CD8B: variants seen among roughly 807,000 people sequenced by gnomAD.
The protein encoded by CD8B is CD8 subunit beta.
In CD8B, 6 loss-of-function variants were observed where a neutral mutation model predicts 24.2. The observed-to-expected ratio is 0.25, with a 90% CI of 0.14 to 0.49. CD8B has a LOEUF of 0.49. Ranked by LOEUF, CD8B falls within the 20% of genes least tolerant of loss-of-function variation. CD8B has a pLI of 0.98. For missense variants in CD8B, 196 were observed against 271.3 expected, an observed-to-expected ratio of 0.72 and a Z score of 1.95; for synonymous variants, 84 against 108.3, an observed-to-expected ratio of 0.78 and a Z score of 1.39.
At chr2:86,822,592 A>G (rs560253502) in intron 5 of CD8B, among the ~76,000 whole-genome samples, 3 of 152,384 alleles carry the variant, frequency 2.0e-5, no homozygotes, top group Non-Finnish European at 2.9e-5. Flanking sequence ...GATTATAACT[A>G]TGTAAAATGT....
chr2:86,835,517 G>A (rs899329656), downstream of CD8B, among the ~76,000 whole-genome samples: 1 of 151,846 alleles, frequency 6.6e-6, no homozygotes, highest in African/African-American at 2.4e-5. Flanking sequence ...CTGAGGCTGA[G>A]GTAAGGGTGG....
At position 86,839,287 on chromosome 2, in the gene CD8B, G is replaced by T. The variant is rs1466503050; in HGVS notation, c.*3020C>A. The stretch of plus-strand genomic sequence containing the variant: ...TATTAGACTGTGTCTGAATTTATCT[G>T]ACCAGTCCCTTTTGATGGACATTTG... On this transcript the variant is annotated 3_prime_UTR_variant, in exon 6 of 6. Transcript: ENST00000390655. Among the ~76,000 whole-genome samples the T allele has an allele frequency of 6.6e-6, 1 of 152,156 alleles. No homozygotes were observed. Among genetic ancestry groups the T allele is most frequent in the Non-Finnish European group, 1.5e-5 (1 of 68,024 alleles).
intron 3 of CD8B, among the ~76,000 whole-genome samples, chr2:86,850,268 C>T (rs139073635): frequency 3.3e-5 from 5 of 152,124 alleles, no homozygotes; most frequent in East Asian, 1.9e-4. Flanking sequence ...CTCATCTTAC[C>T]GGGGCCTCAG....
chr2:86,861,627 C>T (rs189007245), intron 1 of CD8B, among the ~76,000 whole-genome samples, 196 bp downstream of exon 1: 1 of 152,186 alleles, frequency 6.6e-6, no homozygotes, highest in African/African-American at 2.4e-5. Context: ...CTCCGGTCCC[C>T]CGGGGTAATG....
At chr2:86,843,541 G>A (rs1056823962) in intron 5 of CD8B, 1 of 981,404 alleles carries the variant, frequency 1.0e-6, no homozygotes, top group Admixed American at 6.2e-5. Context: ...ATAAAATCCA[G>A]CAGGCATGTT....
chr2:86,838,942 G>A lies in CD8B; in HGVS notation c.*3365C>T, dbSNP rs1385559020. 6.6e-6 allele frequency among the ~76,000 whole-genome samples: 1 copy of A among 152,188 alleles called. No individual in the cohort carries two copies. The highest frequency in any genetic ancestry group is 2.4e-5 in the African/African-American group (1 of 41,434). On this transcript the variant is annotated 3_prime_UTR_variant, in exon 6 of 6. Transcript: ENST00000390655. ...GTCAACATATCTGAGTGTACAGCTTGATGACTTTTACTAATGAAACACACT... is the reference window on the plus strand; with the variant it reads ...GTCAACATATCTGAGTGTACAGCTTAATGACTTTTACTAATGAAACACACT...
At chr2:86,833,021 C>CCCCT in intron 5 of CD8B, 1 of 384,166 alleles carries the variant, frequency 2.6e-6, no homozygotes, top group Middle Eastern at 3.6e-4. Context: ...CTCCCTCTTT[C>CCCCT]CCCTCCACCC....
chr2:86,824,476 A>T (rs1226445988), intron 5 of CD8B, among the ~76,000 whole-genome samples: 4 of 152,234 alleles, frequency 2.6e-5, no homozygotes, highest in Non-Finnish European at 5.9e-5. Flanking sequence ...GCTCCAGGCC[A>T]AAGAGCAGCT....
In CD8B at chr2:86,839,503, G is replaced by A. The variant is rs1388171430; in HGVS notation, c.*2804C>T. Among the ~76,000 whole-genome samples the A allele has an allele frequency of 9.2e-5, 14 of 152,236 alleles. No homozygotes were observed. Among genetic ancestry groups the A allele is most frequent in the Non-Finnish European group, 1.2e-4 (8 of 68,044 alleles). On this transcript the variant is annotated 3_prime_UTR_variant, in exon 6 of 6. Coordinates refer to ENST00000390655, the MANE Select transcript of CD8B (RefSeq NM_004931.5). ...AATGGCCCTATAGAGTGTAGTAGCA[G>A]CTCAGCTCCTTCTTCAAACAAAGGT...
In CD8B at chr2:86,854,030, C is replaced by T. The variant is rs570892063; in HGVS notation, c.404-944G>A. Among the ~76,000 whole-genome samples, 246 of 151,232 alleles carry T rather than the reference C, an allele frequency of 1.6e-3. 1 individual carries two copies. Among genetic ancestry groups the T allele is most frequent in the African/African-American group, 5.1e-3 (210 of 41,154 alleles). On this transcript the variant is annotated intron_variant, in intron 2 of 5. Coordinates refer to ENST00000390655, the MANE Select transcript of CD8B (RefSeq NM_004931.5). Reference sequence around the variant, plus strand: ...TGCTAGTATTACAGGTACGAGCCACCGCACCCGGCCGACCTACACCCCTGA... The same window carrying T: ...TGCTAGTATTACAGGTACGAGCCACTGCACCCGGCCGACCTACACCCCTGA...
At chr2:86,827,554 A>C (rs1193641525) in intron 5 of CD8B, among the ~76,000 whole-genome samples, 1 of 151,794 alleles carries the variant, frequency 6.6e-6, no homozygotes, top group Non-Finnish European at 1.5e-5. Flanking sequence ...CCCAGGAGGC[A>C]GAGATTGCAG....
chr2:86,833,319 G>A (rs1344050114), downstream of CD8B, among the ~76,000 whole-genome samples: 11 of 150,454 alleles, frequency 7.3e-5, no homozygotes, highest in Non-Finnish European at 1.5e-4. Context: ...TCAGCCTCCC[G>A]AGTAGCTGGG....
chr2:86,844,792 A>G lies in CD8B; in HGVS notation c.620+130T>C, dbSNP rs1284551366. On this transcript the variant is annotated intron_variant, in intron 5 of 5. Transcript: ENST00000390655. ...CGAGTAGCTGTGACTACAGGTGTGC[A>G]CTACTATGCCCGGCCGAGTCTATGA... The G allele has an allele frequency of 4.0e-5, 61 of 1,541,114 alleles. No homozygotes were observed. In the Admixed American group the frequency reaches 7.5e-4, roughly 19 times the overall value.
downstream of CD8B, among the ~76,000 whole-genome samples, chr2:86,837,391 G>C (rs1187943832): frequency 1.3e-5 from 2 of 152,158 alleles, no homozygotes; most frequent in African/African-American, 4.8e-5. Context: ...TCAAACCGAC[G>C]CAGGGCTGGG....
intron 5 of CD8B, chr2:86,843,585 A>T: frequency 1.0e-6 from 1 of 984,038 alleles, no homozygotes; most frequent in Non-Finnish European, 1.2e-6. Context: ...AATGTGTACA[A>T]CAATGCAGAG....
chr2:86,845,024 C>A, intron 4 of CD8B, 66 bp from the exon 5 acceptor site: 1 of 1,550,194 alleles, frequency 6.5e-7, no homozygotes, highest in Non-Finnish European at 8.7e-7. Context: ...GCCCCAGAGG[C>A]CAAGGAGGAT....
chr2:86,834,445 G>A (rs1477597945), downstream of CD8B, among the ~76,000 whole-genome samples: 1 of 148,210 alleles, frequency 6.7e-6, no homozygotes, highest in African/African-American at 2.5e-5. Context: ...AAATGAGAAC[G>A]TGTGAATCAG....
At chr2:86,853,171 G>T (rs1280980369) in intron 2 of CD8B, 85 bp from the exon 3 acceptor site, 28 of 1,545,994 alleles carry the variant, frequency 1.8e-5, no homozygotes, top group Non-Finnish European at 2.4e-5. Context: ...TGGCGGGTGC[G>T]GTGGCTCATG....
chr2:86,843,381 G>A (rs1675526089), intron 5 of CD8B: 4 of 958,566 alleles, frequency 4.2e-6, no homozygotes, highest in Non-Finnish European at 2.5e-6. Flanking sequence ...ACAGGCTTGA[G>A]CCACTGCACC....
Sources: gnomAD v4.1 joint callset for allele counts (sites outside exome capture counted in the v4.1 genomes callset) on GRCh38, gnomAD v4.1.1 for gene constraint, MANE v1.5 for transcripts, NCBI Gene and HGNC (gene_info 2026-07-23, HGNC 2026-07-21) for gene names.